Variants in NALF1 observed in about 807,000 individuals in gnomAD.
NALF1 encodes the protein NALCN channel auxiliary factor 1.
In NALF1, 3 loss-of-function variants were observed where a neutral mutation model predicts 48.4. The ratio of observed to expected loss-of-function variants is 0.06; its 90% confidence interval spans 0.03 to 0.16. NALF1 has a LOEUF of 0.16. Ranked by LOEUF, NALF1 falls within the 10% of genes least tolerant of loss-of-function variation. NALF1 has a pLI of 1.00. For missense variants in NALF1, 526 were observed against 571.5 expected, an observed-to-expected ratio of 0.92 and a Z score of 0.81; for synonymous variants, 262 against 245.7, an observed-to-expected ratio of 1.07 and a Z score of -0.62.
intron 1 of NALF1, among the ~76,000 whole-genome samples, chr13:107,430,789 A>C (rs1005429691): frequency 4.6e-5 from 7 of 152,152 alleles, no homozygotes; most frequent in African/African-American, 1.7e-4. Flanking sequence ...TAGCAGCATG[A>C]TTTATAGTCC....
At chr13:107,737,542 T>C (rs984337897) in intron 1 of NALF1, among the ~76,000 whole-genome samples, 77 of 152,354 alleles carry the variant, frequency 5.1e-4, no homozygotes, top group African/African-American at 1.8e-3. Flanking sequence ...TAGCCATTTA[T>C]ATTTTTTACT....
chr13:107,649,810 A>C (rs1380997641), intron 1 of NALF1, among the ~76,000 whole-genome samples: 7 of 152,170 alleles, frequency 4.6e-5, no homozygotes, highest in Admixed American at 4.6e-4. Context: ...AGGAAACTAT[A>C]TTTTGTGGTG....
intron 1 of NALF1, among the ~76,000 whole-genome samples, chr13:107,279,877 C>T (rs1881353446): frequency 6.6e-6 from 1 of 152,194 alleles, no homozygotes; most frequent in Non-Finnish European, 1.5e-5. Flanking sequence ...TTCTTCCCAA[C>T]GTCTTCAGTT....
chr13:107,247,630 G>A (rs1288982672), intron 1 of NALF1, among the ~76,000 whole-genome samples: 1 of 152,188 alleles, frequency 6.6e-6, no homozygotes, highest in Non-Finnish European at 1.5e-5. Context: ...ACTTGAAAGA[G>A]CTTTCTACAT....
chr13:107,261,825 C>A (rs1174230208), intron 1 of NALF1, among the ~76,000 whole-genome samples: 1 of 152,036 alleles, frequency 6.6e-6, no homozygotes, highest in Admixed American at 6.5e-5. Flanking sequence ...ATTTCATTAT[C>A]AAACTAATAA....
intron 1 of NALF1, among the ~76,000 whole-genome samples, chr13:107,647,950 G>A (rs755302372): frequency 6.6e-6 from 1 of 152,004 alleles, no homozygotes; most frequent in Non-Finnish European, 1.5e-5. Flanking sequence ...ATTTTTACCT[G>A]AAGATTATAG....
chr13:107,474,336 T>C (rs1224032838), intron 1 of NALF1, among the ~76,000 whole-genome samples: 2 of 152,310 alleles, frequency 1.3e-5, no homozygotes, highest in East Asian at 1.9e-4. Context: ...CATACTATCA[T>C]CCAGAAACTG....
At chr13:107,511,652 G>A (rs1402303312) in intron 1 of NALF1, among the ~76,000 whole-genome samples, 2 of 152,072 alleles carry the variant, frequency 1.3e-5, no homozygotes, top group African/African-American at 4.8e-5. Flanking sequence ...GAGAAACTGA[G>A]GCAGGGAGAC....
chr13:107,702,286 A>G (rs1277276550), intron 1 of NALF1, among the ~76,000 whole-genome samples: 1 of 152,134 alleles, frequency 6.6e-6, no homozygotes, highest in Non-Finnish European at 1.5e-5. Context: ...AATTACTGTA[A>G]TTAATACAAG....
intron 1 of NALF1, among the ~76,000 whole-genome samples, chr13:107,337,058 A>C (rs1882573105): frequency 1.0e-5 from 1 of 97,674 alleles, no homozygotes. Context: ...AAAAAAAAAA[A>C]AAAAAAAAAA....
chr13:107,434,093 A>C (rs1466459883), intron 1 of NALF1, among the ~76,000 whole-genome samples: 1 of 152,220 alleles, frequency 6.6e-6, no homozygotes, highest in Non-Finnish European at 1.5e-5. Context: ...AGATGAAGTA[A>C]ATTGACTAAG....
intron 1 of NALF1, among the ~76,000 whole-genome samples, chr13:107,275,063 T>A (rs1170017092): frequency 6.6e-6 from 1 of 152,170 alleles, no homozygotes; most frequent in Non-Finnish European, 1.5e-5. Flanking sequence ...GTATAAAATC[T>A]TTGATTTCAA....
chr13:107,778,087 G>A (rs370860909), intron 1 of NALF1, among the ~76,000 whole-genome samples: 14 of 152,272 alleles, frequency 9.2e-5, no homozygotes, highest in East Asian at 5.8e-4. Context: ...CAAATCCTGC[G>A]ATGAGGGAGA....
intron 1 of NALF1, among the ~76,000 whole-genome samples, chr13:107,429,795 A>C (rs921181780): frequency 6.6e-6 from 1 of 152,220 alleles, no homozygotes; most frequent in Non-Finnish European, 1.5e-5. Context: ...GATAAATGCA[A>C]AGATCTGAAA....
intron 1 of NALF1, among the ~76,000 whole-genome samples, chr13:107,774,674 C>T (rs1877674366): frequency 6.6e-6 from 1 of 152,134 alleles, no homozygotes. Context: ...TATGCAATAC[C>T]TATTATATGC....
At chr13:107,675,645 C>T (rs4479093) in intron 1 of NALF1, among the ~76,000 whole-genome samples, 62,473 of 151,738 alleles carry the variant, frequency 0.41, 14,107 homozygotes, top group East Asian at 0.55. Context: ...TCAAAAGAAA[C>T]GTGAACCTAA....
At chr13:107,380,653 A>G (rs558432486) in intron 1 of NALF1, among the ~76,000 whole-genome samples, 113 of 152,268 alleles carry the variant, frequency 7.4e-4, no homozygotes, top group Non-Finnish European at 1.5e-3. Context: ...AAGATAAAAG[A>G]TTTTGTTAAA....
intron 1 of NALF1, among the ~76,000 whole-genome samples, chr13:107,452,043 T>C (rs753628054): frequency 6.6e-6 from 1 of 152,174 alleles, no homozygotes; most frequent in Non-Finnish European, 1.5e-5. Context: ...GTCCTTTCTA[T>C]CATGTGTCTA....
chr13:107,742,919 C>A (rs1369277231), intron 1 of NALF1, among the ~76,000 whole-genome samples: 1 of 152,178 alleles, frequency 6.6e-6, no homozygotes, highest in African/African-American at 2.4e-5. Flanking sequence ...AGAGATAAAT[C>A]CTCAAGTCTT....
Sources: gnomAD v4.1 joint callset for allele counts (sites outside exome capture counted in the v4.1 genomes callset) on GRCh38, gnomAD v4.1.1 for gene constraint, MANE v1.5 for transcripts, NCBI Gene and HGNC (gene_info 2026-07-23, HGNC 2026-07-21) for gene names.